Variants in UTP20 observed in about 807,000 individuals in gnomAD.
The protein encoded by UTP20 is UTP20 small subunit processome component, also known as small subunit processome component 20 homolog.
In UTP20, 164 loss-of-function variants were observed where a neutral mutation model predicts 329.5. The ratio of observed to expected loss-of-function variants is 0.50; its 90% CI spans 0.44 to 0.57. The LOEUF (loss-of-function observed/expected upper bound fraction) is 0.57. UTP20 is among the 20% of genes least tolerant of loss of function. UTP20 has a pLI of 0.00. For synonymous variants in UTP20, 1,151 were observed against 1,159.3 expected, an observed-to-expected ratio of 0.99 and a Z score of 0.14; for missense variants, 3,055 against 3,284.2, an observed-to-expected ratio of 0.93 and a Z score of 1.71.
At chr12:101,319,504 T>G in intron 22 of UTP20, 41 bp from the exon 23 acceptor site, 8 of 1,482,312 alleles carry the variant, frequency 5.4e-6, no homozygotes, top group Non-Finnish European at 7.3e-6. Flanking sequence ...ATGATCTCAA[T>G]TCTTTAATTC....
At chr12:101,363,812 C>G in intron 45 of UTP20, 69 bp downstream of exon 45, 1 of 1,027,416 alleles carries the variant, frequency 9.7e-7, no homozygotes, top group Non-Finnish European at 1.5e-6. Context: ...AGGAACCATG[C>G]GGGGCAAACT....
At chr12:101,301,777 C>G (rs1327090450) in intron 14 of UTP20, among the ~76,000 whole-genome samples, 1 of 152,014 alleles carries the variant, frequency 6.6e-6, no homozygotes, top group Non-Finnish European at 1.5e-5. Flanking sequence ...AAGTTTTATA[C>G]CAAGATAATT....
intron 43 of UTP20, 46 bp from the exon 44 acceptor site, chr12:101,361,916 T>C: frequency 1.4e-6 from 2 of 1,430,600 alleles, no homozygotes; most frequent in Non-Finnish European, 2.0e-6. Context: ...GTTTTCCTAG[T>C]GTGACATTGT....
chr12:101,335,084 A>G (rs748905356), intron 29 of UTP20, among the ~76,000 whole-genome samples: 2 of 152,194 alleles, frequency 1.3e-5, no homozygotes, highest in Non-Finnish European at 2.9e-5. Context: ...GTCCAGAAGG[A>G]CACATGAGAA....
rs781461040 is a variant in UTP20 at position 101,343,113 on chromosome 12, T to A, written c.4449+20T>A. 3 of 1,540,718 alleles carry A rather than the reference T, an allele frequency of 1.9e-6. No individual in the cohort carries two copies. The highest frequency in any genetic ancestry group is 1.7e-4 in the Middle Eastern group (1 of 5,814). On this transcript the variant is annotated intron_variant, in intron 35 of 61. Transcript: ENST00000261637. ...CTAGAGGTAGGTTATTATAGCAAAA[T>A]TTTTAAATTATTTTTTATTGTTTTG...
At chr12:101,304,599 C>G (rs1409121420) in intron 15 of UTP20, among the ~76,000 whole-genome samples, 1 of 152,172 alleles carries the variant, frequency 6.6e-6, no homozygotes, top group Non-Finnish European at 1.5e-5. Flanking sequence ...CAGTGCTTCT[C>G]AACTGGGAGC....
At chr12:101,374,772 T>C in intron 54 of UTP20, 36 bp from the exon 55 acceptor site, 1 of 864,822 alleles carries the variant, frequency 1.2e-6, no homozygotes, top group Non-Finnish European at 2.0e-6. Flanking sequence ...GCCTCCCAAG[T>C]TCTCTTGACA....
chr12:101,296,174 T>C (rs920079717), intron 12 of UTP20, among the ~76,000 whole-genome samples: 8 of 152,218 alleles, frequency 5.3e-5, no homozygotes, highest in African/African-American at 1.2e-4. Flanking sequence ...TATATAGATA[T>C]ATAGTCATAT....
Position 101,319,646 on chromosome 12 carries a change from T to G in UTP20, c.2829+11T>G. 1 of 1,580,670 alleles carries G rather than the reference T, an allele frequency of 6.3e-7. No homozygotes were observed. On this transcript the variant is annotated intron_variant, in intron 23 of 61. Transcript: ENST00000261637. ...GAGTTATATCTTCAGGTCAGTAAAA[T>G]AAACTCTTGGCATTATAATTCTTTG...
At chr12:101,381,887 C>T (rs1467964648) in intron 58 of UTP20, among the ~76,000 whole-genome samples, 4 of 151,592 alleles carry the variant, frequency 2.6e-5, no homozygotes, top group South Asian at 2.1e-4. Context: ...GGCATGGTGG[C>T]GCATGCCTGT....
intron 4 of UTP20, 118 bp from the exon 5 acceptor site, chr12:101,286,203 G>T (rs186267340): frequency 4.9e-5 from 48 of 982,030 alleles, no homozygotes; most frequent in East Asian, 4.8e-4. Flanking sequence ...TTTCAGACTT[G>T]ATTTAGAAGT....
chr12:101,307,173 G>A (rs1266522411), intron 17 of UTP20, among the ~76,000 whole-genome samples: 6 of 137,870 alleles, frequency 4.4e-5, no homozygotes, highest in Non-Finnish European at 9.2e-5. Flanking sequence ...GCGAGACTCC[G>A]TCTCAAAAAA....
chr12:101,321,460 A>C (rs1316154324), intron 24 of UTP20, 44 bp from the exon 25 acceptor site: 2 of 1,606,428 alleles, frequency 1.2e-6, no homozygotes, highest in Admixed American at 1.7e-5. Context: ...ATTCAAAAGC[A>C]CTGTTGATAA....
At position 101,299,854 on chromosome 12, in the gene UTP20, T is replaced by C; in HGVS notation, c.1586+17T>C. ...TCATATTAGGTAAGAAAATAAGCTA[T>C]GTTTAATTTTGAAAGAGATAACATG... is the stretch of plus-strand genomic sequence containing the variant. On this transcript the variant is annotated intron_variant, in intron 13 of 61. Transcript: ENST00000261637. 6.2e-7 allele frequency: 1 copy of C among 1,601,004 alleles called. No individual in the cohort carries two copies. The highest frequency in any genetic ancestry group is 8.5e-7 in the Non-Finnish European group (1 of 1,175,160).
intron 12 of UTP20, among the ~76,000 whole-genome samples, chr12:101,296,105 A>G (rs1021613435): frequency 6.6e-6 from 1 of 152,240 alleles, no homozygotes; most frequent in African/African-American, 2.4e-5. Flanking sequence ...CATTGGTGCA[A>G]TCCATCAATC....
Position 101,353,070 on chromosome 12 carries a change from C to G in UTP20, c.5048C>G (p.Ala1683Gly). ...GVSLLVIVLEAFHFDHKTLEE... is the reference protein window; with the variant it reads ...GVSLLVIVLEGFHFDHKTLEE... Reference sequence around the variant, plus strand: ...AGTTTGCTAGTAATAGTGTTAGAAGCATTCCACTTTGACCACAAAACTCTT... The same window carrying G: ...AGTTTGCTAGTAATAGTGTTAGAAGGATTCCACTTTGACCACAAAACTCTT... Residue 1683 changes from alanine to glycine, a missense_variant, in exon 40 of 62, where the codon GCA becomes GGA. By Grantham distance (60) the Ala-to-Gly change is moderately conservative. Around this residue, in one of 3 missense-constraint regions of UTP20, gnomAD observed 2,445 missense variants for 2,575.5 expected, o/e 0.95. Coordinates refer to ENST00000261637, the MANE Select transcript of UTP20 (RefSeq NM_014503.3). 6.3e-7 allele frequency: 1 copy of G among 1,593,462 alleles called. No individual in the cohort carries two copies. The highest frequency in any genetic ancestry group is 1.7e-5 in the Admixed American group (1 of 59,594).
intron 47 of UTP20, among the ~76,000 whole-genome samples, 193 bp from the exon 48 acceptor site, chr12:101,367,667 A>T (rs1041369282): frequency 1.3e-5 from 2 of 152,232 alleles, no homozygotes; most frequent in African/African-American, 4.8e-5. Context: ...GTAGCATCTC[A>T]GCTGCACAGC....
At chr12:101,361,421 C>T (rs1406552578) in intron 43 of UTP20, among the ~76,000 whole-genome samples, 1 of 151,708 alleles carries the variant, frequency 6.6e-6, no homozygotes, top group Non-Finnish European at 1.5e-5. Flanking sequence ...GTCAGGAGTT[C>T]GAGATCAGCC....
chr12:101,350,492 T>C (rs1055274437), intron 38 of UTP20, among the ~76,000 whole-genome samples: 2 of 152,200 alleles, frequency 1.3e-5, no homozygotes, highest in Non-Finnish European at 2.9e-5. Flanking sequence ...TTATGAATTT[T>C]ACCTTACTGG....
Sources: gnomAD v4.1 joint callset for allele counts (sites outside exome capture counted in the v4.1 genomes callset) on GRCh38, gnomAD v4.1.1 for gene constraint, gnomAD v4.1.1 regional missense constraint, MANE v1.5 for transcripts, NCBI Gene and HGNC (gene_info 2026-07-23, HGNC 2026-07-21) for gene names.